The following ZNF551 variants were observed in gnomAD, a reference collection of about 807,000 sequenced individuals.
ZNF551 encodes zinc finger protein 551, also known as KOX 23 protein (56 AA).
In ZNF551, 5 loss-of-function variants were observed where a neutral mutation model predicts 7.9. The ratio of observed to expected loss-of-function variants is 0.63; its 90% CI spans 0.33 to 1.33. The LOEUF (loss-of-function observed/expected upper bound fraction) is 1.33, where lower values mean the gene tolerates loss of function less well. Among genes scored for constraint, ZNF551 ranks in the 40% most tolerant of loss-of-function variants. The probability of loss-of-function intolerance (pLI) is 0.05; values close to 1 mark genes in which losing one functional copy is unlikely to be tolerated. For synonymous variants in ZNF551, 287 were observed against 277.3 expected (o/e 1.03, Z -0.35); for missense variants, 788 against 825.2 (o/e 0.95, Z 0.55).
Position 57,686,810 on chromosome 19 carries a change from A to C in ZNF551, c.535A>C (p.Asn179His), listed in dbSNP as rs1984571132. 6.2e-7 allele frequency: 1 copy of C among 1,614,074 alleles called. No individual in the cohort carries two copies. Among genetic ancestry groups the C allele is most frequent in the Non-Finnish European group, 8.5e-7 (1 of 1,180,032 alleles). The change falls in exon 3 of 3, where the codon AAT becomes CAT. Residue 179 changes from asparagine to histidine, a missense_variant. Asn to His is a moderately conservative substitution (Grantham distance 68). Transcript: ENST00000282296. ...GACCGGCTGCAGATTCCATGTGTTGAATTATTTCACCTGTGGGGAGGCCTT... is the reference window on the plus strand; with the variant it reads ...GACCGGCTGCAGATTCCATGTGTTGCATTATTTCACCTGTGGGGAGGCCTT... ...FVTGCRFHVL[N>H]YFTCGEAFPA...
Position 57,687,069 on chromosome 19 carries a change from C to T in ZNF551, c.794C>T (p.Thr265Ile). ...KCEKAFTCKN[T>I]LVQHQQIHTG... ...GAGAAAGCCTTCACTTGCAAGAACA[C>T]ACTTGTTCAGCACCAGCAAATTCAC... Residue 265 changes from threonine to isoleucine, a missense_variant, in exon 3 of 3, where the codon ACA becomes ATA. Physicochemically the swap from Thr to Ile is moderately conservative, Grantham distance 89 (BLOSUM62 -1). Transcript: ENST00000282296. 1 of 1,614,234 alleles carries T rather than the reference C, an allele frequency of 6.2e-7. No individual in the cohort carries two copies. The highest frequency in any genetic ancestry group is 8.5e-7 in the Non-Finnish European group (1 of 1,180,050).
At position 57,687,612 on chromosome 19, in the gene ZNF551, C is replaced by A; in HGVS notation, c.1337C>A (p.Pro446His). 1 of 1,614,218 alleles carries A rather than the reference C, an allele frequency of 6.2e-7. No homozygotes were observed. The highest frequency in any genetic ancestry group is 8.5e-7 in the Non-Finnish European group (1 of 1,180,030). The change falls in exon 3 of 3, where the codon CCT (proline) becomes CAT (histidine). Residue 446 changes from proline (P) to histidine (H), a missense_variant. Physicochemically the swap from Pro to His is moderately conservative, Grantham distance 77. Transcript: ENST00000282296. The stretch of plus-strand genomic sequence containing the variant: ...CAGAGAATTCACAGTGGAGAAAGAC[C>A]TTATGAATGCAGAGAATGTGGGAAA... ...QHQRIHSGERPYECRECGKSF... is the reference protein window; with the variant it reads ...QHQRIHSGERHYECRECGKSF...
chr19:57,686,525 A>T lies in ZNF551; in HGVS notation c.250A>T (p.Ser84Cys), dbSNP rs772538599. The change falls in exon 3 of 3, where the codon AGT becomes TGT. Residue 84 changes from serine (S) to cysteine (C), a missense_variant. Coordinates refer to ENST00000282296, the MANE Select transcript of ZNF551 (RefSeq NM_138347.5). The stretch of plus-strand genomic sequence containing the variant: ...GAATGAGGCGATAGCTTCTGAGCAG[A>T]GTGTATCTATACAGGTCAGGACTTC... ...MENEAIASEQ[S>C]VSIQVRTSKG... The T allele has an allele frequency of 6.2e-7, 1 of 1,614,152 alleles. No individual in the cohort carries two copies. The highest frequency in any genetic ancestry group is 1.1e-5 in the South Asian group (1 of 91,086).
At position 57,682,588 on chromosome 19, in the gene ZNF551, T is replaced by C. The variant is rs191912111; in HGVS notation, c.81+344T>C. 6.6e-5 allele frequency among the ~76,000 whole-genome samples: 10 copies of C among 152,310 alleles called. No homozygotes were observed. The East Asian group carries it at 1.9e-3, about 29-fold the overall frequency. ...GAGATTTGTGAACAGATAGGGACAC[T>C]GGGCTAGGATTTCCTAAAGCTATCC... is the stretch of plus-strand genomic sequence containing the variant. On this transcript the variant is annotated intron_variant, in intron 1 of 2. Coordinates refer to ENST00000282296, the MANE Select transcript of ZNF551 (RefSeq NM_138347.5).
rs1313308355 is a variant in ZNF551 at position 57,687,664 on chromosome 19, T to C, written c.1389T>C (p.Ile463=). Residue 463 remains isoleucine (I), a synonymous_variant, in exon 3 of 3, where the codon ATT becomes ATC. Coordinates refer to ENST00000282296, the MANE Select transcript of ZNF551 (RefSeq NM_138347.5). ...CCTTTAGACAATTCTCTAACCTCAT[T>C]CGACACCGCAGCATTCACACTGGTG... The part of the protein sequence containing the change: ...GKSFRQFSNL[I]RHRSIHTGDR... 2 of 1,614,114 alleles carry C rather than the reference T, an allele frequency of 1.2e-6. No homozygotes were observed. Among genetic ancestry groups the C allele is most frequent in the Middle Eastern group, 1.7e-4 (1 of 6,060 alleles).
At position 57,686,682 on chromosome 19, in the gene ZNF551, C is replaced by G; in HGVS notation, c.407C>G (p.Thr136Arg). The change falls in exon 3 of 3, where the codon ACA (threonine) becomes AGA (arginine). Residue 136 changes from threonine (T) to arginine (R), a missense_variant. Coordinates refer to ENST00000282296, the MANE Select transcript of ZNF551 (RefSeq NM_138347.5). The part of the protein sequence containing the change: ...SPVQKSYLGS[T>R]SMRGFCFSAD... ...GTGCAAAAGTCATACTTGGGTAGCA[C>G]AAGCATGAGAGGCTTCTGCTTCAGT... 6.2e-7 allele frequency: 1 copy of G among 1,614,212 alleles called. No individual in the cohort carries two copies. The highest frequency in any genetic ancestry group is 8.5e-7 in the Non-Finnish European group (1 of 1,180,046).
rs1984658195 is a variant in ZNF551, at chr19:57,688,368, A to T, written c.*80A>T. 1 of 1,533,504 alleles carries T rather than the reference A, an allele frequency of 6.5e-7. No individual in the cohort carries two copies. Among genetic ancestry groups the T allele is most frequent in the Non-Finnish European group, 8.8e-7 (1 of 1,138,754 alleles). The allele number at this position is 1,533,504 out of a possible 1,614,324, so 95.0% of individuals were successfully genotyped here. A position where few individuals can be genotyped will look rare whatever the true frequency, so the allele number is the denominator to read the frequency against. On this transcript the variant is annotated 3_prime_UTR_variant, in exon 3 of 3. Transcript: ENST00000282296. Reference sequence around the variant, plus strand: ...GTGGTAGCCATCTTCGTAAATTTAAACTTTGAGCACCCACAGTGGGGTATT... The same window carrying T: ...GTGGTAGCCATCTTCGTAAATTTAATCTTTGAGCACCCACAGTGGGGTATT...
chr19:57,683,486 G>C (rs1163954729), intron 1 of ZNF551, among the ~76,000 whole-genome samples: 1 of 152,200 alleles, frequency 6.6e-6, no homozygotes, highest in African/African-American at 2.4e-5. Context: ...AGAGCTTTCA[G>C]AGAATGGTTC....
At chr19:57,683,492 G>T (rs1473828683) in intron 1 of ZNF551, among the ~76,000 whole-genome samples, 1 of 152,188 alleles carries the variant, frequency 6.6e-6, no homozygotes, top group East Asian at 1.9e-4. Context: ...TTCAGAGAAT[G>T]GTTCATGGGC....
In ZNF551 at chr19:57,685,262, G is replaced by C. The variant is rs777615971; in HGVS notation, c.82G>C (p.Gly28Arg). 3 of 1,613,936 alleles carry C rather than the reference G, an allele frequency of 1.9e-6. No individual in the cohort carries two copies. Among genetic ancestry groups the C allele is most frequent in the Non-Finnish European group, 2.5e-6 (3 of 1,179,898 alleles). ...GATTGAACTATTCCTGCTGTGACAGGGTATGACCTTTGAGGATGTGGCCAT... is the reference window on the plus strand; with the variant it reads ...GATTGAACTATTCCTGCTGTGACAGCGTATGACCTTTGAGGATGTGGCCAT... ...AAVALRDSAQ[G>R]MTFEDVAIYF... The change falls in exon 2 of 3, where the codon GGT becomes CGT. Residue 28 changes from glycine (G) to arginine (R), a missense_variant and splice_region_variant. By Grantham distance (125) the Gly-to-Arg change is moderately radical. Transcript: ENST00000282296.
In ZNF551 at chr19:57,687,780, C is replaced by T; in HGVS notation, c.1505C>T (p.Pro502Leu). The T allele has an allele frequency of 1.2e-6, 2 of 1,614,204 alleles. No individual in the cohort carries two copies. The highest frequency in any genetic ancestry group is 1.7e-6 in the Non-Finnish European group (2 of 1,180,042). Residue 502 changes from proline to leucine, a missense_variant, in exon 3 of 3, where the codon CCT becomes CTT. Physicochemically the swap from Pro to Leu is moderately conservative, Grantham distance 98. Coordinates refer to ENST00000282296, the MANE Select transcript of ZNF551 (RefSeq NM_138347.5). The part of the protein sequence containing the change: ...QHQRVHTGER[P>L]YECSECGKSF... ...CAAAGAGTTCACACTGGAGAAAGACCTTATGAATGCAGTGAATGTGGAAAA... is the reference window on the plus strand; with the variant it reads ...CAAAGAGTTCACACTGGAGAAAGACTTTATGAATGCAGTGAATGTGGAAAA...
Position 57,687,581 on chromosome 19 carries a change from C to A in ZNF551, c.1306C>A (p.Gln436Lys), listed in dbSNP as rs1207924181. 2 of 1,614,066 alleles carry A rather than the reference C, an allele frequency of 1.2e-6. No homozygotes were observed. The highest frequency in any genetic ancestry group is 2.2e-5 in the East Asian group (1 of 44,890). Residue 436 changes from glutamine (Q) to lysine (K), a missense_variant, in exon 3 of 3, where the codon CAA becomes AAA. By Grantham distance (53) the Gln-to-Lys change is moderately conservative. Coordinates refer to ENST00000282296, the MANE Select transcript of ZNF551 (RefSeq NM_138347.5). Reference sequence around the variant, plus strand: ...TTTTAGCTGCAAATCGGAACTCATTCAACACCAGAGAATTCACAGTGGAGA... The same window carrying A: ...TTTTAGCTGCAAATCGGAACTCATTAAACACCAGAGAATTCACAGTGGAGA... ...KSFSCKSELI[Q>K]HQRIHSGERP...
chr19:57,688,040 T>G lies in ZNF551; in HGVS notation c.1765T>G (p.Cys589Gly). The change falls in exon 3 of 3, where the codon TGT becomes GGT. Residue 589 changes from cysteine to glycine, a missense_variant. By Grantham distance (159) the Cys-to-Gly change is radical. Transcript: ENST00000282296. ...TCACACTGGAGAAAGGCCTTATGAA[T>G]GTAGTGAATGTGGGAAATCCTTTAG... ...RVHTGERPYE[C>G]SECGKSFSQS... The G allele has an allele frequency of 6.2e-7, 1 of 1,614,208 alleles. No homozygotes were observed. The highest frequency in any genetic ancestry group is 8.5e-7 in the Non-Finnish European group (1 of 1,180,034).
rs141600662 is a variant in ZNF551, at chr19:57,686,768, G to T, written c.493G>T (p.Asp165Tyr). The stretch of plus-strand genomic sequence containing the variant: ...AGAAGAGCCCTGGAAAAGGAAGGTG[G>T]ATGAGGCTACATTTGTGACCGGCTG... ...NEEEPWKRKV[D>Y]EATFVTGCRF... is the part of the protein sequence containing the mutation. Residue 165 changes from aspartate (D) to tyrosine (Y), a missense_variant, in exon 3 of 3, where the codon GAT becomes TAT. By Grantham distance (160) the Asp-to-Tyr change is radical (BLOSUM62 -3). Transcript: ENST00000282296. 3.1e-6 allele frequency: 5 copies of T among 1,614,092 alleles called. No individual in the cohort carries two copies. In the African/African-American group the frequency reaches 6.7e-5, roughly 22 times the overall value.
At position 57,686,863 on chromosome 19, in the gene ZNF551, C is replaced by A. The variant is rs150173912; in HGVS notation, c.588C>A (p.His196Gln). 2 of 1,614,042 alleles carry A rather than the reference C, an allele frequency of 1.2e-6. No homozygotes were observed. The highest frequency in any genetic ancestry group is 2.7e-5 in the African/African-American group (2 of 74,916). Residue 196 changes from histidine (H) to glutamine (Q), a missense_variant, in exon 3 of 3, where the codon CAC becomes CAA. His to Gln is a conservative substitution (Grantham distance 24). Coordinates refer to ENST00000282296, the MANE Select transcript of ZNF551 (RefSeq NM_138347.5). Reference sequence around the variant, plus strand: ...CAGCCCCCACGGACCTACTCCAACACGAAGCCACTCCCAGTGGTGAGGAGC... The same window carrying A: ...CAGCCCCCACGGACCTACTCCAACAAGAAGCCACTCCCAGTGGTGAGGAGC... ...AFPAPTDLLQ[H>Q]EATPSGEEPH...
chr19:57,688,019 A>G lies in ZNF551; in HGVS notation c.1744A>G (p.Thr582Ala), dbSNP rs745644320. Residue 582 changes from threonine (T) to alanine (A), a missense_variant, in exon 3 of 3, where the codon ACT (threonine) becomes GCT (alanine). Coordinates refer to ENST00000282296, the MANE Select transcript of ZNF551 (RefSeq NM_138347.5). ...CCTCATTCAACACCAGAGAGTTCAC[A>G]CTGGAGAAAGGCCTTATGAATGTAG... The part of the protein sequence containing the change: ...ASLIQHQRVH[T>A]GERPYECSEC... 5.0e-6 allele frequency: 8 copies of G among 1,614,028 alleles called. No individual in the cohort carries two copies. In the South Asian group the frequency reaches 6.6e-5, roughly 13 times the overall value.
intron 2 of ZNF551, among the ~76,000 whole-genome samples, 160 bp from the exon 3 acceptor site, chr19:57,686,321 T>TA (rs1240717338): frequency 3.3e-5 from 5 of 152,160 alleles, no homozygotes; most frequent in Admixed American, 1.3e-4. Context: ...TCTAAAATCT[T>TA]AAAAAACCCA....
At position 57,685,368 on chromosome 19, in the gene ZNF551, C is replaced by T; in HGVS notation, c.188C>T (p.Ala63Val). Residue 63 changes from alanine (A) to valine (V), a missense_variant, in exon 2 of 3, where the codon GCA (alanine) becomes GTA (valine). Physicochemically the swap from Ala to Val is moderately conservative, Grantham distance 64. Transcript: ENST00000282296. The part of the protein sequence containing the change: ...LYCDVMLENF[A>V]HVTSLGYCHG... Reference sequence around the variant, plus strand: ...TGCGATGTGATGCTGGAGAACTTTGCACATGTAACATCCCTGGGTAAGGCC... The same window carrying T: ...TGCGATGTGATGCTGGAGAACTTTGTACATGTAACATCCCTGGGTAAGGCC... 1 of 1,614,090 alleles carries T rather than the reference C, an allele frequency of 6.2e-7. No individual in the cohort carries two copies. The highest frequency in any genetic ancestry group is 8.5e-7 in the Non-Finnish European group (1 of 1,179,978).
intron 1 of ZNF551, among the ~76,000 whole-genome samples, chr19:57,682,498 G>A (rs1984419278): frequency 6.6e-6 from 1 of 152,202 alleles, no homozygotes; most frequent in South Asian, 2.1e-4. Context: ...GGGTCTGCAG[G>A]AACATAGAGT....
Sources: gnomAD v4.1 joint callset for allele counts (sites outside exome capture counted in the v4.1 genomes callset) on GRCh38, gnomAD v4.1.1 for gene constraint, MANE v1.5 for transcripts, NCBI Gene and HGNC (gene_info 2026-07-23, HGNC 2026-07-21) for gene names.